NR4A3: variants seen among roughly 807,000 people sequenced by gnomAD.
The protein encoded by NR4A3 is chondrosarcoma, extraskeletal myxoid, fused to EWS.
NR4A3 carries 13 observed loss-of-function variants against 55.6 expected under a neutral mutation model. The observed-to-expected ratio is 0.23, with a 90% CI of 0.15 to 0.37. The LOEUF (loss-of-function observed/expected upper bound fraction) is 0.37. Ranked by LOEUF, NR4A3 falls within the 10% of genes least tolerant of loss-of-function variation. The probability of loss-of-function intolerance (pLI) is 1.00; values close to 1 mark genes in which losing one functional copy is unlikely to be tolerated. For missense variants in NR4A3, 646 were observed against 822.8 expected, an observed-to-expected ratio of 0.79 and a Z score of 2.63; for synonymous variants, 342 against 357.9, an observed-to-expected ratio of 0.96 and a Z score of 0.50.
chr9:99,844,664 C>A lies in NR4A3; in HGVS notation c.1270C>A (p.Gln424Lys). ...LDYSRYCPTD[Q>K]AAAGTDAEHV... ...TGCATTCTAGTACTGTCCCACTGAC[C>A]AGGCTGCTGCAGGCACAGATGCTGA... The change falls in exon 6 of 8, where the codon CAG becomes AAG. Residue 424 changes from glutamine (Q) to lysine (K), a missense_variant. By Grantham distance (53) the Gln-to-Lys change is moderately conservative (BLOSUM62 1). This residue lies in a region of NR4A3 where 163 missense variants were observed against 233.0 expected (regional missense o/e 0.70). Coordinates refer to ENST00000395097, the MANE Select transcript of NR4A3 (RefSeq NM_006981.4). 1 of 1,614,152 alleles carries A rather than the reference C, an allele frequency of 6.2e-7. No homozygotes were observed. Among genetic ancestry groups the A allele is most frequent in the East Asian group, 2.2e-5 (1 of 44,880 alleles).
At chr9:99,850,912 A>C (rs187517460) in intron 7 of NR4A3, among the ~76,000 whole-genome samples, 4 of 152,208 alleles carry the variant, frequency 2.6e-5, no homozygotes, top group Non-Finnish European at 5.9e-5. Context: ...GGAAGCATCA[A>C]ACTCAGTGGC....
Position 99,828,004 on chromosome 9 carries a change from A to T in NR4A3, c.-2-37A>T. 6.3e-7 allele frequency: 1 copy of T among 1,577,392 alleles called. No individual in the cohort carries two copies. The highest frequency in any genetic ancestry group is 8.6e-7 in the Non-Finnish European group (1 of 1,160,438). On this transcript the variant is annotated intron_variant, in intron 2 of 7. Coordinates refer to ENST00000395097, the MANE Select transcript of NR4A3 (RefSeq NM_006981.4). This position sits in a 1 kb window ranked among gnomAD's most constrained non-coding sequence, Gnocchi z 7.7. ...CCTGTTGGCTAGAAAACAAGTGTTAACTTGCTTCTGAGAGACCCTTTTCTC... is the reference window on the plus strand; with the variant it reads ...CCTGTTGGCTAGAAAACAAGTGTTATCTTGCTTCTGAGAGACCCTTTTCTC...
intron 3 of NR4A3, among the ~76,000 whole-genome samples, chr9:99,829,604 G>A (rs1204797134): frequency 6.6e-6 from 1 of 152,182 alleles, no homozygotes; most frequent in Non-Finnish European, 1.5e-5. Flanking sequence ...CCACGTTTGC[G>A]TGACCCCAAA....
Position 99,822,137 on chromosome 9 carries a change from C to G in NR4A3, c.-447C>G, listed in dbSNP as rs1192118175. On this transcript the variant is annotated 5_prime_UTR_variant, in exon 1 of 8. Coordinates refer to ENST00000395097, the MANE Select transcript of NR4A3 (RefSeq NM_006981.4). The surrounding 1 kb of genome is among the most constrained non-coding windows in gnomAD (Gnocchi z 4.9). ...TCCCGGGCTCACTTTGCAACGCTGA[C>G]GGTGCCGGCAGTGGCCGTGGAGGTG... 1 of 152,790 alleles carries G rather than the reference C, an allele frequency of 6.5e-6. No homozygotes were observed. The highest frequency in any genetic ancestry group is 6.5e-5 in the Admixed American group (1 of 15,288). 9.5% of individuals were successfully genotyped at this position (152,790 alleles called of 1,614,324 possible). A position where few individuals can be genotyped will look rare whatever the true frequency, so the allele number is the denominator to read the frequency against.
chr9:99,863,983 C>G lies in NR4A3; in HGVS notation c.*116C>G, dbSNP rs187750944. Reference sequence around the variant, plus strand: ...TCCTTCCTTAAGAGGAAAAGCAGCTCCTGTAGAAAGCAAAGACTTTCTTTT... The same window carrying G: ...TCCTTCCTTAAGAGGAAAAGCAGCTGCTGTAGAAAGCAAAGACTTTCTTTT... On this transcript the variant is annotated 3_prime_UTR_variant, in exon 8 of 8. Transcript: ENST00000395097. The G allele has an allele frequency of 4.8e-6, 6 of 1,240,618 alleles. No individual in the cohort carries two copies. The African/African-American group carries it at 9.0e-5, about 19-fold the overall frequency. 76.9% of individuals were successfully genotyped at this position (1,240,618 alleles called of 1,614,324 possible).
intron 5 of NR4A3, among the ~76,000 whole-genome samples, chr9:99,838,128 C>T (rs1421110791): frequency 6.6e-6 from 1 of 152,152 alleles, no homozygotes; most frequent in Non-Finnish European, 1.5e-5. Flanking sequence ...TTCTCTGCAC[C>T]ACAGTTGCTT....
At position 99,863,633 on chromosome 9, in the gene NR4A3, A is replaced by G; in HGVS notation, c.1647A>G (p.Leu549=). The G allele has an allele frequency of 6.2e-7, 1 of 1,613,738 alleles. No individual in the cohort carries two copies. Among genetic ancestry groups the G allele is most frequent in the Non-Finnish European group, 8.5e-7 (1 of 1,179,858 alleles). ...ATCCCTCTGCAGAAAGACATGGGTTAAAAGAACCAAAGAGAGTCGAAGAGC... is the reference window on the plus strand; with the variant it reads ...ATCCCTCTGCAGAAAGACATGGGTTGAAAGAACCAAAGAGAGTCGAAGAGC... ...ALSMITERHG[L]KEPKRVEELC... is the part of the protein sequence containing the mutation. Residue 549 remains leucine, a synonymous_variant, in exon 8 of 8, where the codon TTA becomes TTG. Transcript: ENST00000395097.
At chr9:99,827,413 A>G (rs1415990109) in intron 2 of NR4A3, among the ~76,000 whole-genome samples, 1 of 152,098 alleles carries the variant, frequency 6.6e-6, no homozygotes, top group African/African-American at 2.4e-5. Flanking sequence ...TGAAGTTATC[A>G]ACAGGGGTCC....
rs981350029 is a variant in NR4A3 at position 99,828,783 on chromosome 9, G to A, written c.741G>A (p.Leu247=). ...ALESHPYGLP[L]AKRAAPLAFP... Reference sequence around the variant, plus strand: ...AGAGCCACCCGTACGGGCTGCCGCTGGCCAAGAGGGCGGCCCCGCTGGCCT... The same window carrying A: ...AGAGCCACCCGTACGGGCTGCCGCTAGCCAAGAGGGCGGCCCCGCTGGCCT... The change falls in exon 3 of 8, where the codon CTG becomes CTA. Residue 247 remains leucine, a synonymous_variant. Coordinates refer to ENST00000395097, the MANE Select transcript of NR4A3 (RefSeq NM_006981.4). The surrounding 1 kb of genome is among the most constrained non-coding windows in gnomAD (Gnocchi z 7.7). The A allele has an allele frequency of 4.1e-6, 6 of 1,459,272 alleles. No individual in the cohort carries two copies. Among genetic ancestry groups the A allele is most frequent in the Non-Finnish European group, 4.5e-6 (5 of 1,109,120 alleles). The allele number at this position is 1,459,272 out of a possible 1,614,324, so 90.4% of individuals were successfully genotyped here.
intron 2 of NR4A3, among the ~76,000 whole-genome samples, chr9:99,826,494 G>A (rs539690417): frequency 5.9e-5 from 9 of 152,284 alleles, no homozygotes; most frequent in East Asian, 3.9e-4. Context: ...GGGATTGGCC[G>A]GAAAGAATGA....
chr9:99,825,449 C>T lies in NR4A3; in HGVS notation c.-176-210C>T, dbSNP rs1229356808. Among the ~76,000 whole-genome samples the T allele has an allele frequency of 6.6e-6, 1 of 152,182 alleles. No homozygotes were observed. Among genetic ancestry groups the T allele is most frequent in the African/African-American group, 2.4e-5 (1 of 41,448 alleles). On this transcript the variant is annotated intron_variant, in intron 1 of 7. Transcript: ENST00000395097. This position sits in a 1 kb window ranked among gnomAD's most constrained non-coding sequence, Gnocchi z 5.0. ...GCGCAGTGGGTTCCAACAACCTTTC[C>T]TCGGCTTCCCCGAGGCCGTGTGATG... is the stretch of plus-strand genomic sequence containing the variant.
intron 2 of NR4A3, among the ~76,000 whole-genome samples, chr9:99,826,422 A>G (rs1197275306): frequency 6.6e-6 from 1 of 152,224 alleles, no homozygotes; most frequent in Non-Finnish European, 1.5e-5. Context: ...ATAGAATACA[A>G]TCCCAGCAAG....
Position 99,828,291 on chromosome 9 carries a change from G to C in NR4A3, c.249G>C (p.Leu83Phe), listed in dbSNP as rs137876606. The C allele has an allele frequency of 1.9e-6, 3 of 1,613,756 alleles. No individual in the cohort carries two copies. The Admixed American group carries it at 5.0e-5, about 27-fold the overall frequency. The change falls in exon 3 of 8, where the codon TTG (leucine) becomes TTC (phenylalanine). Residue 83 changes from leucine (L) to phenylalanine (F), a missense_variant. By Grantham distance (22) the Leu-to-Phe change is conservative. Transcript: ENST00000395097. This position sits in a 1 kb window ranked among gnomAD's most constrained non-coding sequence, Gnocchi z 7.7. ...GCGTGTACCAAATGCAGCGGCCCTT[G>C]ATCAAAGTGGAGGAGGGGCGGGCGC... ...PSCVYQMQRPLIKVEEGRAPS... is the reference protein window; with the variant it reads ...PSCVYQMQRPFIKVEEGRAPS...
intron 5 of NR4A3, among the ~76,000 whole-genome samples, chr9:99,842,639 G>A (rs1827674057): frequency 6.6e-6 from 1 of 152,022 alleles, no homozygotes; most frequent in African/African-American, 2.4e-5. Context: ...GCTGAGGCAC[G>A]GAATCGCTTG....
chr9:99,862,540 ACT>A (rs1310312966), intron 7 of NR4A3, among the ~76,000 whole-genome samples: 1 of 121,586 alleles, frequency 8.2e-6, no homozygotes, highest in African/African-American at 3.2e-5. Context: ...ACAGAGTAAG[ACT>A]CTGTCTCAAA....
chr9:99,823,600 G>A (rs1198515820), intron 1 of NR4A3, among the ~76,000 whole-genome samples: 1 of 152,110 alleles, frequency 6.6e-6, no homozygotes, highest in African/African-American at 2.4e-5. Flanking sequence ...GTTAGGGAAA[G>A]AAAAAGCTGC....
rs145293038 is a variant in NR4A3 at position 99,847,527 on chromosome 9, C to T, written c.1545C>T (p.Asp515=). The change falls in exon 7 of 8, where the codon GAC becomes GAT. Residue 515 remains aspartate (D), a synonymous_variant. Coordinates refer to ENST00000395097, the MANE Select transcript of NR4A3 (RefSeq NM_006981.4). The part of the protein sequence containing the change: ...QCLRGFGEWL[D]SIKDFSLNLQ... ...TTCGTGGATTTGGGGAGTGGCTCGA[C>T]TCTATTAAAGACTTTTCCTTAAATT... 12 of 1,614,048 alleles carry T rather than the reference C, an allele frequency of 7.4e-6. No individual in the cohort carries two copies. In the African/African-American group the frequency reaches 1.6e-4, roughly 22 times the overall value.
In NR4A3 at chr9:99,833,367, C is replaced by A. The variant is rs766430480; in HGVS notation, c.1167C>A (p.Pro389=). Reference sequence around the variant, plus strand: ...CATTACAACAGGAACCTTCTCAGCCCTCTCCACCTTCTCCTCCAATCTGCA... The same window carrying A: ...CATTACAACAGGAACCTTCTCAGCCATCTCCACCTTCTCCTCCAATCTGCA... The part of the protein sequence containing the change: ...KSPLQQEPSQ[P]SPPSPPICMM... Residue 389 remains proline, a synonymous_variant, in exon 5 of 8, where the codon CCC becomes CCA. Coordinates refer to ENST00000395097, the MANE Select transcript of NR4A3 (RefSeq NM_006981.4). 1.2e-6 allele frequency: 2 copies of A among 1,614,138 alleles called. No individual in the cohort carries two copies. The highest frequency in any genetic ancestry group is 1.7e-6 in the Non-Finnish European group (2 of 1,180,000).
rs933901392 is a variant in NR4A3, at chr9:99,828,424, C to T, written c.382C>T (p.Leu128=). The part of the protein sequence containing the change: ...PPASSPEDEV[L]PSTSMYFKQS... ...AGCCTCCAGCCCGGAGGACGAGGTG[C>T]TGCCCAGCACCTCCATGTACTTCAA... is the stretch of plus-strand genomic sequence containing the variant. The change falls in exon 3 of 8, where the codon CTG becomes TTG. Residue 128 remains leucine, a synonymous_variant. Transcript: ENST00000395097. The surrounding 1 kb of genome is among the most constrained non-coding windows in gnomAD (Gnocchi z 7.7). The T allele has an allele frequency of 1.3e-6, 2 of 1,583,164 alleles. No individual in the cohort carries two copies. The highest frequency in any genetic ancestry group is 1.7e-6 in the Non-Finnish European group (2 of 1,164,436).
Sources: allele counts gnomAD v4.1 joint callset (sites outside exome capture counted in the v4.1 genomes callset), GRCh38; gene constraint gnomAD v4.1.1; regional missense constraint gnomAD v4.1.1; non-coding constraint Gnocchi (gnomAD v3.1); transcripts MANE v1.5; gene names NCBI Gene and HGNC (gene_info 2026-07-23, HGNC 2026-07-21).